Variants in ASB3 observed in about 807,000 individuals in gnomAD.
ASB3 encodes the protein ankyrin repeat and SOCS box containing 3.
A neutral mutation model predicts 54.5 loss-of-function variants in ASB3; 41 were observed. The ratio of observed to expected loss-of-function variants is 0.75; its 90% CI spans 0.59 to 0.98. ASB3 has a LOEUF of 0.98. ASB3 is among the 50% of genes least tolerant of loss of function. The pLI, the probability that ASB3 is intolerant of heterozygous loss-of-function variation, is 0.00. For missense variants in ASB3, 733 were observed against 620.0 expected (o/e 1.18, Z -1.94); for synonymous variants, 266 against 221.2 (o/e 1.20, Z -1.80).
At chr2:53,720,237 T>C (rs1010691448) in intron 5 of ASB3, among the ~76,000 whole-genome samples, 3 of 152,058 alleles carry the variant, frequency 2.0e-5, no homozygotes, top group African/African-American at 7.2e-5. Flanking sequence ...ACAGAACCAA[T>C]GTATATCTTA....
intron 7 of ASB3, among the ~76,000 whole-genome samples, chr2:53,710,982 A>T (rs75556616): frequency 2.1e-5 from 3 of 145,940 alleles, no homozygotes; most frequent in African/African-American, 7.7e-5. Context: ...AAAAAAAAAA[A>T]TTCCAGGCAT....
intron 7 of ASB3, among the ~76,000 whole-genome samples, chr2:53,704,673 T>C (rs991754752): frequency 4.6e-5 from 7 of 152,172 alleles, no homozygotes; most frequent in African/African-American, 1.7e-4. Context: ...TCAAAATGAA[T>C]AAGTCTCATA....
chr2:53,704,158 T>G (rs1669640449), intron 7 of ASB3, among the ~76,000 whole-genome samples: 1 of 151,826 alleles, frequency 6.6e-6, no homozygotes, highest in East Asian at 1.9e-4. Context: ...GCCAGGAGTT[T>G]GAGACCAGCC....
chr2:53,683,172 G>C (rs1668466824), intron 9 of ASB3, among the ~76,000 whole-genome samples: 1 of 152,168 alleles, frequency 6.6e-6, no homozygotes, highest in African/African-American at 2.4e-5. Flanking sequence ...GTTTTGTCAT[G>C]AAGAGATGTT....
At chr2:53,740,085 C>G (rs1282344297) in intron 3 of ASB3, among the ~76,000 whole-genome samples, 1 of 152,208 alleles carries the variant, frequency 6.6e-6, no homozygotes, top group Non-Finnish European at 1.5e-5. Context: ...CCAGTTATAG[C>G]AGCAGGCTGG....
chr2:53,708,520 G>A (rs940454010), intron 7 of ASB3, among the ~76,000 whole-genome samples: 2 of 152,184 alleles, frequency 1.3e-5, no homozygotes, highest in Non-Finnish European at 1.5e-5. Context: ...CTAAAAATGT[G>A]GAAGCAACTT....
chr2:53,776,065 A>T (rs1186399721), intron 1 of ASB3, among the ~76,000 whole-genome samples: 1 of 152,204 alleles, frequency 6.6e-6, no homozygotes, highest in Non-Finnish European at 1.5e-5. Context: ...TCACCATAAG[A>T]ACTTCAGTAT....
chr2:53,736,319 A>G (rs1671624739), intron 3 of ASB3, among the ~76,000 whole-genome samples: 1 of 152,204 alleles, frequency 6.6e-6, no homozygotes. Flanking sequence ...CAGAATATTT[A>G]AAATGAAACA....
At chr2:53,771,007 A>G (rs542715208) in intron 1 of ASB3, among the ~76,000 whole-genome samples, 1 of 152,198 alleles carries the variant, frequency 6.6e-6, no homozygotes, top group Non-Finnish European at 1.5e-5. Context: ...AGTGGTTCTT[A>G]AAGTATGAGC....
At chr2:53,761,729 G>C (rs1673158844) in intron 2 of ASB3, among the ~76,000 whole-genome samples, 1 of 152,158 alleles carries the variant, frequency 6.6e-6, no homozygotes, top group Non-Finnish European at 1.5e-5. Context: ...AATTCCCATA[G>C]TAAATCCCCT....
At chr2:53,680,516 T>C (rs1351677609) in intron 9 of ASB3, among the ~76,000 whole-genome samples, 2 of 152,262 alleles carry the variant, frequency 1.3e-5, no homozygotes, top group African/African-American at 2.4e-5. Context: ...TTTTTTCATA[T>C]GATTGTTGGC....
intron 3 of ASB3, among the ~76,000 whole-genome samples, chr2:53,746,892 C>T (rs1468920788): frequency 4.6e-5 from 7 of 151,920 alleles, no homozygotes; most frequent in Admixed American, 4.6e-4. Context: ...ATTTCTTAGT[C>T]AATACAAATT....
intron 1 of ASB3, among the ~76,000 whole-genome samples, chr2:53,770,498 TAAAAAA>T (rs76201682): frequency 4.5e-5 from 5 of 110,532 alleles, no homozygotes; most frequent in Non-Finnish European, 3.6e-5. Context: ...GAAGTTTATT[TAAAAAA>T]AAAAAAAAAA....
intron 8 of ASB3, among the ~76,000 whole-genome samples, 172 bp downstream of exon 8, chr2:53,700,099 T>C (rs1300923957): frequency 6.6e-6 from 1 of 152,178 alleles, no homozygotes; most frequent in Non-Finnish European, 1.5e-5. Flanking sequence ...CCCAGGACTC[T>C]GTGCTTAAAT....
intron 9 of ASB3, 24 bp downstream of exon 9, chr2:53,693,860 T>G: frequency 1.2e-6 from 2 of 1,608,244 alleles, no homozygotes; most frequent in Non-Finnish European, 1.7e-6. Flanking sequence ...TAGTGAAGTG[T>G]GTTTAAAAGT....
At chr2:53,717,573 G>C (rs1374821356) in intron 5 of ASB3, among the ~76,000 whole-genome samples, 7 of 152,106 alleles carry the variant, frequency 4.6e-5, no homozygotes, top group Admixed American at 1.3e-4. Context: ...ACAAAAATTA[G>C]AAGTGTGAAC....
chr2:53,748,734 T>C (rs1672361527), intron 3 of ASB3, among the ~76,000 whole-genome samples: 1 of 152,006 alleles, frequency 6.6e-6, no homozygotes, highest in Non-Finnish European at 1.5e-5. Flanking sequence ...ACTAAAAAAC[T>C]GTTCCAAATT....
intron 2 of ASB3, among the ~76,000 whole-genome samples, chr2:53,753,621 C>A (rs984991090): frequency 6.6e-6 from 1 of 151,726 alleles, no homozygotes; most frequent in Non-Finnish European, 1.5e-5. Flanking sequence ...CACACCCAGT[C>A]CTCAGATCTT....
chr2:53,782,736 C>T (rs1674719668), intron 1 of ASB3, among the ~76,000 whole-genome samples: 1 of 152,106 alleles, frequency 6.6e-6, no homozygotes, highest in South Asian at 2.1e-4. Flanking sequence ...CACTCAAGGA[C>T]CCTAAAGTTA....
Sources: allele counts gnomAD v4.1 joint callset (sites outside exome capture counted in the v4.1 genomes callset), GRCh38; gene constraint gnomAD v4.1.1; transcripts MANE v1.5; gene names NCBI Gene and HGNC (gene_info 2026-07-23, HGNC 2026-07-21).